The following COLEC10 variants were observed in gnomAD, a reference collection of about 807,000 sequenced individuals.
The protein encoded by COLEC10 is collectin subfamily member 10.
Under a neutral mutation model 28.4 loss-of-function variants are expected in COLEC10, and 22 were observed. The observed-to-expected ratio is 0.78, with a 90% CI of 0.55 to 1.11. The LOEUF is 1.11. Among genes scored for constraint, COLEC10 ranks in the 50% least tolerant of loss-of-function variants. The pLI, the probability that COLEC10 is intolerant of heterozygous loss-of-function variation, is 0.00. For synonymous variants in COLEC10, 125 were observed against 116.1 expected (o/e 1.08, Z -0.49); for missense variants, 361 against 344.1 (o/e 1.05, Z -0.39).
intron 2 of COLEC10, among the ~76,000 whole-genome samples, chr8:119,012,954 T>C (rs1813925746): frequency 6.6e-6 from 1 of 150,430 alleles, no homozygotes; most frequent in African/African-American, 2.5e-5. Flanking sequence ...TATCTTGTTT[T>C]CAATTTTGTT....
At chr8:119,092,293 A>G (rs1168639275) in intron 3 of COLEC10, among the ~76,000 whole-genome samples, 1 of 152,038 alleles carries the variant, frequency 6.6e-6, no homozygotes, top group African/African-American at 2.4e-5. Context: ...GATGGTCTCG[A>G]TCTTCTGACC....
chr8:119,049,604 C>T (rs943122800), intron 2 of COLEC10, among the ~76,000 whole-genome samples: 7 of 151,498 alleles, frequency 4.6e-5, no homozygotes, highest in South Asian at 2.1e-4. Flanking sequence ...TTAGTAGAGA[C>T]GAGGTTTCAC....
intron 1 of COLEC10, among the ~76,000 whole-genome samples, chr8:119,086,736 T>C (rs1815488295): frequency 6.6e-6 from 1 of 152,208 alleles, no homozygotes; most frequent in African/African-American, 2.4e-5. Flanking sequence ...ATGGCACCAA[T>C]AATTCACATC....
the COLEC10 span, among the ~76,000 whole-genome samples, chr8:118,969,532 A>G: frequency 6.6e-6 from 1 of 151,950 alleles, no homozygotes; most frequent in Non-Finnish European, 1.5e-5. Flanking sequence ...CTTTTTCTGA[A>G]TCTTTCCTTC....
intron 2 of COLEC10, among the ~76,000 whole-genome samples, chr8:119,017,557 G>A (rs1814016418): frequency 6.6e-6 from 1 of 152,168 alleles, no homozygotes; most frequent in South Asian, 2.1e-4. Flanking sequence ...ACAAGTACAT[G>A]TGATTGAGGA....
the COLEC10 span, among the ~76,000 whole-genome samples, chr8:118,966,847 G>C: frequency 6.6e-6 from 1 of 152,072 alleles, no homozygotes; most frequent in Non-Finnish European, 1.5e-5. Flanking sequence ...GATCACAGGA[G>C]GCTGGCTTAC....
At chr8:118,984,593 G>C in the COLEC10 span, among the ~76,000 whole-genome samples, 8 of 152,238 alleles carry the variant, frequency 5.3e-5, no homozygotes, top group Middle Eastern at 6.8e-3. Flanking sequence ...TTTGATATGA[G>C]GGATATTTGG....
chr8:118,979,164 A>G, the COLEC10 span, among the ~76,000 whole-genome samples: 2 of 151,938 alleles, frequency 1.3e-5, no homozygotes, highest in East Asian at 3.9e-4. Flanking sequence ...ATTTTATTAT[A>G]TGGTATAAAG....
chr8:118,963,042 G>C, the COLEC10 span, among the ~76,000 whole-genome samples: 1 of 152,138 alleles, frequency 6.6e-6, no homozygotes, highest in East Asian at 1.9e-4. Flanking sequence ...GGGTGTGAAA[G>C]AAAAACACAG....
At chr8:118,988,886 T>C in the COLEC10 span, among the ~76,000 whole-genome samples, 33 of 152,200 alleles carry the variant, frequency 2.2e-4, no homozygotes, top group Non-Finnish European at 4.3e-4. Flanking sequence ...CTACAGGCCA[T>C]TTAGCTCAGT....
At chr8:119,055,481 G>A (rs1402964933) in intron 2 of COLEC10, among the ~76,000 whole-genome samples, 2 of 152,036 alleles carry the variant, frequency 1.3e-5, no homozygotes, top group Non-Finnish European at 2.9e-5. Context: ...GCAAAATGGT[G>A]AGCTTAGATA....
the COLEC10 span, among the ~76,000 whole-genome samples, chr8:118,965,976 T>A: frequency 1.3e-5 from 2 of 152,098 alleles, no homozygotes; most frequent in African/African-American, 4.8e-5. Flanking sequence ...AAATACTAAT[T>A]TAACATCAAG....
At chr8:118,965,119 G>T in the COLEC10 span, among the ~76,000 whole-genome samples, 1 of 152,146 alleles carries the variant, frequency 6.6e-6, no homozygotes. Context: ...CCAACTAAAG[G>T]TGGATTTGAT....
chr8:119,104,690 G>A (rs1044355690), intron 5 of COLEC10, among the ~76,000 whole-genome samples: 5 of 152,140 alleles, frequency 3.3e-5, no homozygotes, highest in Admixed American at 1.3e-4. Context: ...ATGCTGTCTC[G>A]TGTTCATCCT....
chr8:119,020,971 G>A (rs890630249), intron 2 of COLEC10, among the ~76,000 whole-genome samples: 1 of 151,994 alleles, frequency 6.6e-6, no homozygotes, highest in African/African-American at 2.4e-5. Context: ...TAAACATATA[G>A]GACTTGCTCA....
intron 1 of COLEC10, 123 bp from the exon 2 acceptor site, chr8:119,089,557 C>G: frequency 1.4e-6 from 1 of 698,442 alleles, no homozygotes; most frequent in Non-Finnish European, 2.5e-6. Flanking sequence ...ATACTCACAG[C>G]TGGATTGTGA....
intron 2 of COLEC10, among the ~76,000 whole-genome samples, chr8:119,018,572 T>C (rs77328694): frequency 0.044 from 6,703 of 152,334 alleles, 217 homozygotes; most frequent in East Asian, 0.16. Flanking sequence ...ATGGAAATCC[T>C]AACTTATGTA....
upstream of COLEC10, among the ~76,000 whole-genome samples, chr8:118,992,360 T>G (rs1813517595): frequency 6.6e-6 from 1 of 152,142 alleles, no homozygotes; most frequent in East Asian, 1.9e-4. Flanking sequence ...TGAATCAGTT[T>G]AAACAACTCC....
At chr8:119,047,200 C>G (rs930935474) in intron 2 of COLEC10, among the ~76,000 whole-genome samples, 1 of 152,092 alleles carries the variant, frequency 6.6e-6, no homozygotes, top group Admixed American at 6.6e-5. Flanking sequence ...CAAATAAAAG[C>G]GTATTTGTAT....
Sources: allele counts gnomAD v4.1 joint callset (sites outside exome capture counted in the v4.1 genomes callset), GRCh38; gene constraint gnomAD v4.1.1; transcripts MANE v1.5; gene names NCBI Gene and HGNC (gene_info 2026-07-23, HGNC 2026-07-21).